Variants in TRAM2 observed in about 807,000 individuals in gnomAD.
TRAM2 encodes translocating chain-associated membrane protein 2.
In TRAM2, 12 loss-of-function variants were observed where a neutral mutation model predicts 51.0. The ratio of observed to expected loss-of-function variants is 0.24; its 90% CI spans 0.15 to 0.38. The LOEUF (loss-of-function observed/expected upper bound fraction) is 0.38, where lower values mean the gene tolerates loss of function less well. TRAM2 is among the 10% of genes least tolerant of loss of function. The pLI is 1.00. For synonymous variants in TRAM2, 175 were observed against 179.4 expected, an observed-to-expected ratio of 0.98 and a Z score of 0.20; for missense variants, 361 against 462.0, an observed-to-expected ratio of 0.78 and a Z score of 2.00.
intron 5 of TRAM2, 79 bp from the exon 6 acceptor site, chr6:52,508,397 A>G: frequency 7.3e-7 from 1 of 1,377,124 alleles, no homozygotes; most frequent in African/African-American, 1.4e-5. Flanking sequence ...CAGGAGGGAA[A>G]AGCATGGGCT....
At chr6:52,504,562 C>T (rs1200636324) in intron 10 of TRAM2, 29 bp downstream of exon 10, 2 of 1,613,308 alleles carry the variant, frequency 1.2e-6, no homozygotes, top group Non-Finnish European at 1.7e-6. Flanking sequence ...TCCCTGGCTC[C>T]ACTCTCTGCC....
chr6:52,539,321 G>A (rs1017919826), intron 1 of TRAM2, among the ~76,000 whole-genome samples: 3 of 152,150 alleles, frequency 2.0e-5, no homozygotes, highest in African/African-American at 4.8e-5. Flanking sequence ...GTGAGTGTTG[G>A]GCAACCCAAA....
chr6:52,542,298 T>C (rs1767115701), intron 1 of TRAM2, among the ~76,000 whole-genome samples: 1 of 149,124 alleles, frequency 6.7e-6, no homozygotes, highest in Non-Finnish European at 1.5e-5. Context: ...TCTTTTAGCC[T>C]TTTTTCCTGG....
chr6:52,504,299 C>T (rs1042545515), intron 10 of TRAM2, among the ~76,000 whole-genome samples: 3 of 152,178 alleles, frequency 2.0e-5, no homozygotes, highest in Non-Finnish European at 2.9e-5. Flanking sequence ...CAGAAGCCAC[C>T]CTGAGGACAC....
At chr6:52,520,593 A>G (rs1037228905) in intron 2 of TRAM2, among the ~76,000 whole-genome samples, 1 of 152,240 alleles carries the variant, frequency 6.6e-6, no homozygotes, top group South Asian at 2.1e-4. Context: ...ATTCTGCAAC[A>G]TGCATTATCT....
At chr6:52,526,925 C>T (rs528503637) in intron 2 of TRAM2, among the ~76,000 whole-genome samples, 6 of 152,140 alleles carry the variant, frequency 3.9e-5, no homozygotes, top group African/African-American at 1.4e-4. Flanking sequence ...TTTTAAAATT[C>T]ATTGAGAGCT....
At chr6:52,538,794 T>C (rs768656834) in intron 1 of TRAM2, among the ~76,000 whole-genome samples, 6 of 152,200 alleles carry the variant, frequency 3.9e-5, no homozygotes, top group Non-Finnish European at 7.3e-5. Context: ...CATATATTCT[T>C]GCCCTCACCC....
chr6:52,558,209 T>C (rs1248120808), intron 1 of TRAM2, among the ~76,000 whole-genome samples: 2 of 152,042 alleles, frequency 1.3e-5, no homozygotes, highest in Non-Finnish European at 2.9e-5. Context: ...CCTTCAGGGA[T>C]TGACAGGGTG....
chr6:52,503,710 G>A (rs1766285290), intron 10 of TRAM2, among the ~76,000 whole-genome samples: 2 of 152,188 alleles, frequency 1.3e-5, no homozygotes, highest in Non-Finnish European at 2.9e-5. Flanking sequence ...CCCAGGAGCA[G>A]TGGCCACAGA....
chr6:52,575,549 GCCA>G (rs1767748804), intron 1 of TRAM2, among the ~76,000 whole-genome samples: 1 of 152,094 alleles, frequency 6.6e-6, no homozygotes, highest in African/African-American at 2.4e-5. Flanking sequence ...CCCTGACTTG[GCCA>G]CCACAAGAAC....
intron 8 of TRAM2, 60 bp downstream of exon 8, chr6:52,505,972 G>A: frequency 1.9e-6 from 3 of 1,573,926 alleles, no homozygotes; most frequent in Non-Finnish European, 2.6e-6. Flanking sequence ...AACCATCCGG[G>A]CCTCGGGGGA....
At chr6:52,506,173 A>T (rs368298829) in intron 7 of TRAM2, 37 bp from the exon 8 acceptor site, 34 of 1,580,870 alleles carry the variant, frequency 2.2e-5, no homozygotes, top group Middle Eastern at 1.7e-4. Flanking sequence ...ATTCCCTCCA[A>T]GATGCTGCGT....
chr6:52,567,803 T>C (rs1354245838), intron 1 of TRAM2, among the ~76,000 whole-genome samples: 2 of 152,254 alleles, frequency 1.3e-5, no homozygotes, highest in Admixed American at 6.5e-5. Flanking sequence ...ACATATTTCA[T>C]GCCAACCCCA....
intron 1 of TRAM2, among the ~76,000 whole-genome samples, chr6:52,541,147 A>C (rs1767073353): frequency 6.6e-6 from 1 of 152,256 alleles, no homozygotes; most frequent in Non-Finnish European, 1.5e-5. Flanking sequence ...TGTGGATTCC[A>C]GTCCCAAGTC....
intron 1 of TRAM2, among the ~76,000 whole-genome samples, chr6:52,538,075 A>T (rs574485150): frequency 1.3e-5 from 2 of 152,290 alleles, no homozygotes; most frequent in South Asian, 2.1e-4. Flanking sequence ...ATATTGTCTG[A>T]CATGACTCCT....
intron 2 of TRAM2, among the ~76,000 whole-genome samples, chr6:52,521,905 T>C (rs1284646674): frequency 1.3e-5 from 2 of 152,144 alleles, no homozygotes; most frequent in African/African-American, 4.8e-5. Flanking sequence ...GTCCAGCACA[T>C]CTCTGGCCTA....
chr6:52,553,910 A>G (rs1414257664), intron 1 of TRAM2, among the ~76,000 whole-genome samples: 2 of 152,034 alleles, frequency 1.3e-5, no homozygotes, highest in Non-Finnish European at 2.9e-5. Flanking sequence ...GTCATTTATC[A>G]TTTTCTGGGT....
chr6:52,575,193 A>T (rs956934417), intron 1 of TRAM2, among the ~76,000 whole-genome samples: 1 of 152,218 alleles, frequency 6.6e-6, no homozygotes, highest in Non-Finnish European at 1.5e-5. Context: ...GATCTCAGTT[A>T]AACCTTACAA....
At chr6:52,534,176 G>A (rs892590656) in intron 2 of TRAM2, among the ~76,000 whole-genome samples, 4 of 151,428 alleles carry the variant, frequency 2.6e-5, no homozygotes, top group Admixed American at 2.6e-4. Context: ...GAGGTCGGAA[G>A]TTCGAGACCA....
Sources: allele counts gnomAD v4.1 joint callset (sites outside exome capture counted in the v4.1 genomes callset), GRCh38; gene constraint gnomAD v4.1.1; transcripts MANE v1.5; gene names NCBI Gene and HGNC (gene_info 2026-07-23, HGNC 2026-07-21).